Variants in RSU1 observed in about 807,000 individuals in gnomAD.
RSU1 encodes the protein rsu-1.
A neutral mutation model predicts 31.1 loss-of-function variants in RSU1; 26 were observed. That is an observed-to-expected ratio of 0.84 (90% CI 0.61 to 1.16). The LOEUF is 1.16. Among genes scored for constraint, RSU1 ranks in the 50% most tolerant of loss-of-function variants. The pLI is 0.00. For synonymous variants in RSU1, 164 were observed against 136.3 expected, an observed-to-expected ratio of 1.20 and a Z score of -1.41; for missense variants, 320 against 339.1, an observed-to-expected ratio of 0.94 and a Z score of 0.44.
At chr10:16,710,797 C>A (rs1445305669) in intron 7 of RSU1, among the ~76,000 whole-genome samples, 1 of 152,054 alleles carries the variant, frequency 6.6e-6, no homozygotes, top group Non-Finnish European at 1.5e-5. Flanking sequence ...AGGAATTTCT[C>A]CAATGCTATC....
intron 2 of RSU1, among the ~76,000 whole-genome samples, chr10:16,793,969 G>A (rs1292221136): frequency 6.6e-6 from 1 of 151,970 alleles, no homozygotes; most frequent in African/African-American, 2.4e-5. Context: ...TGCCAATGCA[G>A]GTGAGCAATA....
At chr10:16,762,834 G>A (rs1445136187) in intron 4 of RSU1, among the ~76,000 whole-genome samples, 1 of 152,042 alleles carries the variant, frequency 6.6e-6, no homozygotes, top group Non-Finnish European at 1.5e-5. Context: ...CCAACATGGT[G>A]AAACCCCATC....
At chr10:16,684,811 A>G in intron 8 of RSU1, among the ~76,000 whole-genome samples, 1 of 152,210 alleles carries the variant, frequency 6.6e-6, no homozygotes, top group Non-Finnish European at 1.5e-5. Flanking sequence ...GAAACACCCA[A>G]AAGCCACTGT....
intron 7 of RSU1, among the ~76,000 whole-genome samples, chr10:16,728,576 C>T (rs192601498): frequency 1.3e-4 from 20 of 152,246 alleles, no homozygotes; most frequent in East Asian, 1.2e-3. Context: ...GTGTGGGAGG[C>T]GGGGTGATGG....
chr10:16,632,245 A>G (rs1016574103), intron 8 of RSU1, among the ~76,000 whole-genome samples: 1 of 152,210 alleles, frequency 6.6e-6, no homozygotes, highest in African/African-American at 2.4e-5. Flanking sequence ...ACCCCTATGA[A>G]GCAATAAACG....
chr10:16,648,668 C>T (rs1446659409), intron 8 of RSU1, among the ~76,000 whole-genome samples: 1 of 152,072 alleles, frequency 6.6e-6, no homozygotes, highest in Non-Finnish European at 1.5e-5. Context: ...CACTATTCTA[C>T]TTGAAAGCAC....
At chr10:16,658,949 T>C (rs1834837083) in intron 8 of RSU1, among the ~76,000 whole-genome samples, 1 of 152,232 alleles carries the variant, frequency 6.6e-6, no homozygotes, top group African/African-American at 2.4e-5. Flanking sequence ...GCCAACCTGG[T>C]ACATATAAAA....
intron 8 of RSU1, among the ~76,000 whole-genome samples, chr10:16,652,191 C>A (rs898128117): frequency 2.6e-5 from 4 of 151,934 alleles, no homozygotes; most frequent in African/African-American, 9.7e-5. Flanking sequence ...CCAGCATCAC[C>A]TGGAAATGAG....
chr10:16,615,537 A>G (rs1301722122), intron 8 of RSU1, among the ~76,000 whole-genome samples: 1 of 152,166 alleles, frequency 6.6e-6, no homozygotes, highest in Non-Finnish European at 1.5e-5. Context: ...AGTGCACCTA[A>G]TAGACATCTA....
intron 8 of RSU1, among the ~76,000 whole-genome samples, chr10:16,660,583 C>T (rs899813349): frequency 4.7e-5 from 7 of 148,744 alleles, no homozygotes; most frequent in Admixed American, 2.0e-4. Flanking sequence ...TTTTTCATCT[C>T]GTTACTCTGT....
chr10:16,812,604 A>G (rs1171648314), intron 2 of RSU1, among the ~76,000 whole-genome samples: 4 of 152,138 alleles, frequency 2.6e-5, no homozygotes, highest in Admixed American at 2.6e-4. Context: ...CTTCCAGATA[A>G]CCCATGATCA....
chr10:16,630,094 C>T (rs922291571), intron 8 of RSU1, among the ~76,000 whole-genome samples: 3 of 151,750 alleles, frequency 2.0e-5, no homozygotes, highest in South Asian at 2.1e-4. Context: ...TTTTGAAAGG[C>T]GGCTTCTCAC....
intron 2 of RSU1, among the ~76,000 whole-genome samples, chr10:16,795,376 TA>T (rs1213370842): frequency 2.2e-5 from 3 of 134,802 alleles, no homozygotes; most frequent in African/African-American, 2.9e-5. Flanking sequence ...AAAAAAAAAT[TA>T]AAAAAAAATA....
chr10:16,682,937 T>C (rs1462853221), intron 8 of RSU1, among the ~76,000 whole-genome samples: 1 of 152,170 alleles, frequency 6.6e-6, no homozygotes, highest in Non-Finnish European at 1.5e-5. Flanking sequence ...CCTCCCTTCA[T>C]GAATTCTCTA....
chr10:16,769,367 G>A (rs1837377854), intron 3 of RSU1, among the ~76,000 whole-genome samples: 2 of 152,218 alleles, frequency 1.3e-5, no homozygotes. Flanking sequence ...ATAAAATGAT[G>A]AATGCTATTG....
chr10:16,697,345 G>C (rs1335444044), intron 7 of RSU1, among the ~76,000 whole-genome samples: 1 of 152,156 alleles, frequency 6.6e-6, no homozygotes, highest in Admixed American at 6.5e-5. Context: ...AAATAAACTT[G>C]AGGTGTTTGG....
intron 8 of RSU1, among the ~76,000 whole-genome samples, chr10:16,617,376 G>A (rs919667163): frequency 3.3e-4 from 50 of 152,218 alleles, no homozygotes; most frequent in African/African-American, 1.1e-3. Context: ...CTCATGGATG[G>A]GAAGAATCAA....
At chr10:16,611,465 GA>G (rs1275331707) in intron 8 of RSU1, among the ~76,000 whole-genome samples, 1 of 152,168 alleles carries the variant, frequency 6.6e-6, no homozygotes, top group African/African-American at 2.4e-5. Context: ...GAAAACTAAA[GA>G]AAAGGTGAGA....
At chr10:16,678,653 C>A (rs1034298557) in intron 8 of RSU1, among the ~76,000 whole-genome samples, 1 of 152,176 alleles carries the variant, frequency 6.6e-6, no homozygotes, top group Middle Eastern at 3.4e-3. Flanking sequence ...GGAGTATTTT[C>A]TTTTTTTAAG....
Sources: gnomAD v4.1 joint callset for allele counts (sites outside exome capture counted in the v4.1 genomes callset) on GRCh38, gnomAD v4.1.1 for gene constraint, MANE v1.5 for transcripts, NCBI Gene and HGNC (gene_info 2026-07-23, HGNC 2026-07-21) for gene names.